GPR89A: variants seen among roughly 807,000 people sequenced by gnomAD.
The protein encoded by GPR89A is G protein-coupled receptor 89A.
In GPR89A, 16 loss-of-function variants were observed where a neutral mutation model predicts 52.0. The observed-to-expected ratio is 0.31, with a 90% CI of 0.21 to 0.47. The LOEUF is 0.47. GPR89A is among the 20% of genes least tolerant of loss of function. GPR89A has a pLI of 1.00. For synonymous variants in GPR89A, 55 were observed against 150.9 expected (o/e 0.36, Z 4.66); for missense variants, 135 against 449.4 (o/e 0.30, Z 6.33).
intron 10 of GPR89A, among the ~76,000 whole-genome samples, chr1:145,656,033 C>T (rs1325065070): frequency 7.9e-5 from 12 of 151,962 alleles, no homozygotes; most frequent in Non-Finnish European, 1.3e-4. Context: ...GGAATGGATC[C>T]GAGTCCCACC....
At chr1:145,610,585 A>G (rs1242739957) in intron 1 of GPR89A, among the ~76,000 whole-genome samples, 2 of 152,148 alleles carry the variant, frequency 1.3e-5, no homozygotes, top group African/African-American at 2.4e-5. Flanking sequence ...AGATGTCCCT[A>G]TACCTACTGC....
Position 145,635,907 on chromosome 1 carries a change from C to T in GPR89A, c.617+4163C>T, listed in dbSNP as rs587664604. ...CCGGGAGGCAGAGGTTGCAGTGAGCCGAGATTACACCACTGCACTCCAGCC... is the reference window on the plus strand; with the variant it reads ...CCGGGAGGCAGAGGTTGCAGTGAGCTGAGATTACACCACTGCACTCCAGCC... On this transcript the variant is annotated intron_variant, in intron 7 of 13. Transcript: ENST00000313835. Among the ~76,000 whole-genome samples, 969 of 151,836 alleles carry T rather than the reference C, an allele frequency of 6.4e-3. 4 individuals carry two copies. Among genetic ancestry groups the T allele is most frequent in the Middle Eastern group, 0.01 (3 of 292 alleles).
At chr1:145,656,214 C>T (rs1553694488) in intron 10 of GPR89A, among the ~76,000 whole-genome samples, 1 of 152,076 alleles carries the variant, frequency 6.6e-6, no homozygotes, top group Non-Finnish European at 1.5e-5. Context: ...AATCTCCAGC[C>T]TGCTGCTGCT....
chr1:145,667,500 AT>A (rs1229344161), intron 12 of GPR89A, among the ~76,000 whole-genome samples: 8 of 152,060 alleles, frequency 5.3e-5, no homozygotes, highest in African/African-American at 1.9e-4. Flanking sequence ...GATTGCAAAA[AT>A]TTTCTCCCAT....
intron 1 of GPR89A, among the ~76,000 whole-genome samples, chr1:145,614,331 A>C (rs1346616437): frequency 6.6e-6 from 1 of 151,916 alleles, no homozygotes; most frequent in Non-Finnish European, 1.5e-5. Flanking sequence ...AATATCATGT[A>C]TGTATTTCTA....
intron 10 of GPR89A, among the ~76,000 whole-genome samples, chr1:145,648,667 C>T (rs1300818531): frequency 6.6e-6 from 1 of 151,862 alleles, no homozygotes; most frequent in Non-Finnish European, 1.5e-5. Context: ...TTTCAGTAGA[C>T]ATGGGCTTTC....
intron 10 of GPR89A, among the ~76,000 whole-genome samples, chr1:145,652,961 C>T (rs778978165): frequency 6.7e-5 from 7 of 103,732 alleles, no homozygotes; most frequent in South Asian, 2.9e-4. Flanking sequence ...AAGGGTTTTT[C>T]GTGCTCTATC....
chr1:145,663,305 A>G (rs1214918355), intron 10 of GPR89A, 24 bp from the exon 11 acceptor site: 4 of 1,606,252 alleles, frequency 2.5e-6, no homozygotes, highest in Admixed American at 3.4e-5. Context: ...AGATGCTCCA[A>G]GGTAAAAATC....
At chr1:145,614,679 CTG>C (rs1274967814) in intron 1 of GPR89A, among the ~76,000 whole-genome samples, 7 of 152,028 alleles carry the variant, frequency 4.6e-5, no homozygotes, top group Admixed American at 2.6e-4. Context: ...CATTACAAAA[CTG>C]TATGGTAAGC....
intron 1 of GPR89A, among the ~76,000 whole-genome samples, chr1:145,613,729 GGAA>G (rs1233014213): frequency 2.0e-5 from 3 of 150,590 alleles, no homozygotes; most frequent in Non-Finnish European, 4.4e-5. Flanking sequence ...TTTGCTATCT[GGAA>G]AGCCCTGTCC....
At chr1:145,666,943 C>T (rs587670952) in intron 12 of GPR89A, among the ~76,000 whole-genome samples, 177 of 152,120 alleles carry the variant, frequency 1.2e-3, no homozygotes, top group African/African-American at 4.2e-3. Context: ...TTTCTTAATC[C>T]AGTCTATCAT....
intron 9 of GPR89A, chr1:145,646,652 A>G (rs1294807707): frequency 4.1e-6 from 1 of 246,676 alleles, no homozygotes; most frequent in East Asian, 1.0e-4. Flanking sequence ...CCCTATTTTA[A>G]AGGATCCAGG....
intron 10 of GPR89A, among the ~76,000 whole-genome samples, chr1:145,660,638 T>G (rs1275264858): frequency 5.9e-5 from 9 of 151,908 alleles, no homozygotes; most frequent in Admixed American, 2.0e-4. Context: ...ATCAAAAAGT[T>G]GGCGAAGGAC....
intron 5 of GPR89A, among the ~76,000 whole-genome samples, chr1:145,625,810 C>G (rs1450803019): frequency 6.7e-6 from 1 of 150,024 alleles, no homozygotes; most frequent in Non-Finnish European, 1.5e-5. Context: ...GTATCTATAT[C>G]ATCTATAAAA....
chr1:145,652,928 T>C (rs1190690015), intron 10 of GPR89A, among the ~76,000 whole-genome samples: 1 of 133,996 alleles, frequency 7.5e-6, no homozygotes. Context: ...AAAAACTGGC[T>C]CCTGGATTCG....
intron 3 of GPR89A, among the ~76,000 whole-genome samples, chr1:145,619,197 G>A (rs587604197): frequency 6.6e-5 from 10 of 151,374 alleles, no homozygotes; most frequent in Admixed American, 4.6e-4. Flanking sequence ...GAGACTTGTA[G>A]AGAGACTATA....
chr1:145,616,101 A>G, intron 1 of GPR89A, 133 bp from the exon 2 acceptor site: 1 of 663,150 alleles, frequency 1.5e-6, no homozygotes, highest in Non-Finnish European at 2.6e-6. Flanking sequence ...AGGTCTTATA[A>G]GAGTGGATCT....
chr1:145,669,856 T>A lies in GPR89A; in HGVS notation c.1184T>A (p.Val395Glu). ...QIMGMYFVSS[V>E]LLIRMSMPLE... ...CAGGGCATGTACTTTGTCTCCTCTG[T>A]GCTGCTGATCCGAATGAGTATGCCT... is the stretch of plus-strand genomic sequence containing the variant. The change falls in exon 14 of 14, where the codon GTG becomes GAG. Residue 395 changes from valine (V) to glutamate (E), a missense_variant. Physicochemically the swap from Val to Glu is moderately radical, Grantham distance 121. This residue lies in a region of GPR89A where 22 missense variants were observed against 48.4 expected (regional missense o/e 0.45). Coordinates refer to ENST00000313835, the MANE Select transcript of GPR89A (RefSeq NM_001097612.2). 1 of 1,437,840 alleles carries A rather than the reference T, an allele frequency of 7.0e-7. No homozygotes were observed. Among genetic ancestry groups the A allele is most frequent in the Admixed American group, 1.7e-5 (1 of 57,910 alleles). 89.1% of individuals were successfully genotyped at this position (1,437,840 alleles called of 1,614,324 possible).
intron 7 of GPR89A, among the ~76,000 whole-genome samples, 182 bp from the exon 8 acceptor site, chr1:145,643,687 C>T (rs1192811994): frequency 6.8e-6 from 1 of 147,986 alleles, no homozygotes; most frequent in Non-Finnish European, 1.5e-5. Flanking sequence ...TCACCCAGGC[C>T]ACATTGCTTC....
Sources: gnomAD v4.1 joint callset for allele counts (sites outside exome capture counted in the v4.1 genomes callset) on GRCh38, gnomAD v4.1.1 for gene constraint, gnomAD v4.1.1 regional missense constraint, MANE v1.5 for transcripts, NCBI Gene and HGNC (gene_info 2026-07-23, HGNC 2026-07-21) for gene names.